Variants in ZNF469 observed in about 807,000 individuals in gnomAD.
ZNF469 encodes the protein zinc finger protein 469.
Under a neutral mutation model 1.0 loss-of-function variants are expected in ZNF469, and 1 was observed. That is an observed-to-expected ratio of 1.00 (90% CI 0.35 to 4.73). The LOEUF (loss-of-function observed/expected upper bound fraction) is 4.73. ZNF469 is among the 30% of genes most tolerant of loss of function. ZNF469 has a pLI of 0.16. For synonymous variants in ZNF469, 2,703 were observed against 2,363.4 expected, an observed-to-expected ratio of 1.14 and a Z score of -4.17; for missense variants, 6,100 against 5,356.3, an observed-to-expected ratio of 1.14 and a Z score of -4.33.
intron 1 of ZNF469, among the ~76,000 whole-genome samples, chr16:88,412,353 C>G (rs1341075467): frequency 2.0e-5 from 3 of 152,090 alleles, no homozygotes; most frequent in Non-Finnish European, 4.4e-5. Context: ...CGCTTAACCT[C>G]TCTGAGCCCT....
chr16:88,119,229 G>A, the ZNF469 span, among the ~76,000 whole-genome samples: 2 of 152,176 alleles, frequency 1.3e-5, no homozygotes, highest in Non-Finnish European at 2.9e-5. Flanking sequence ...CTCACGGTTA[G>A]CTCTGGGCAC....
the ZNF469 span, among the ~76,000 whole-genome samples, chr16:88,322,441 G>C: frequency 6.6e-6 from 1 of 152,242 alleles, no homozygotes; most frequent in East Asian, 1.9e-4. Flanking sequence ...TGTCCCGGCC[G>C]TGTTCATCCT....
At chr16:88,170,713 G>T in the ZNF469 span, among the ~76,000 whole-genome samples, 1 of 152,114 alleles carries the variant, frequency 6.6e-6, no homozygotes, top group Non-Finnish European at 1.5e-5. This position sits in a 1 kb window ranked among gnomAD's most constrained non-coding sequence, Gnocchi z 4.2. Flanking sequence ...TTCCTTTCTT[G>T]GCTGTTGTGA....
chr16:88,187,978 G>A, the ZNF469 span, among the ~76,000 whole-genome samples: 2 of 151,930 alleles, frequency 1.3e-5, no homozygotes, highest in Non-Finnish European at 2.9e-5. Flanking sequence ...GATGCATCCC[G>A]GGCCCTGTCT....
the ZNF469 span, among the ~76,000 whole-genome samples, chr16:88,159,608 G>C: frequency 1.3e-5 from 2 of 152,306 alleles, no homozygotes; most frequent in African/African-American, 4.8e-5. Flanking sequence ...TCAGCTTGAA[G>C]CAAAAACAAC....
chr16:88,106,881 G>C, the ZNF469 span, among the ~76,000 whole-genome samples: 2 of 151,334 alleles, frequency 1.3e-5, no homozygotes, highest in Non-Finnish European at 2.9e-5. Flanking sequence ...CCTTCAGGAG[G>C]GGTGGCAGCA....
At position 88,436,187 on chromosome 16, in the gene ZNF469, C is replaced by G; in HGVS notation, c.8717C>G (p.Ala2906Gly). The G allele has an allele frequency of 6.5e-7, 1 of 1,547,666 alleles. No individual in the cohort carries two copies. The highest frequency in any genetic ancestry group is 8.7e-7 in the Non-Finnish European group (1 of 1,146,894). Residue 2906 changes from alanine (A) to glycine (G), a missense_variant, in exon 3 of 3, where the codon GCC becomes GGC. Physicochemically the swap from Ala to Gly is moderately conservative, Grantham distance 60. Coordinates refer to ENST00000565624, the MANE Select transcript of ZNF469 (RefSeq NM_001367624.2). ...GGCGGTGACCCCACGCTGGGCCCAG[C>G]CCGCCTGCCCACGGACCTCAGCGAC... ...EEGGDPTLGP[A>G]RLPTDLSDSS...
chr16:88,386,077 C>T (rs1422854790), intron 1 of ZNF469, among the ~76,000 whole-genome samples: 11 of 152,162 alleles, frequency 7.2e-5, no homozygotes, highest in African/African-American at 2.2e-4. Context: ...GGCCCGGTCC[C>T]GTGGACTCTG....
At chr16:88,128,131 G>C in the ZNF469 span, among the ~76,000 whole-genome samples, 6 of 152,190 alleles carry the variant, frequency 3.9e-5, no homozygotes, top group Non-Finnish European at 8.8e-5. Context: ...GATGGCAGCT[G>C]TTGGGTGACC....
chr16:88,393,974 C>T (rs1365135683), intron 1 of ZNF469, among the ~76,000 whole-genome samples: 2 of 152,112 alleles, frequency 1.3e-5, no homozygotes, highest in Admixed American at 1.3e-4. Flanking sequence ...GGGTTTGACA[C>T]GTCTACACCT....
Position 88,438,865 on chromosome 16 carries a change from C to G in ZNF469, c.11395C>G (p.Gln3799Glu). 2 of 1,550,434 alleles carry G rather than the reference C, an allele frequency of 1.3e-6. No individual in the cohort carries two copies. The highest frequency in any genetic ancestry group is 1.7e-6 in the Non-Finnish European group (2 of 1,146,962). The change falls in exon 3 of 3, where the codon CAG becomes GAG. Residue 3799 changes from glutamine (Q) to glutamate (E), a missense_variant. By Grantham distance (29) the Gln-to-Glu change is conservative. Transcript: ENST00000565624. Reference sequence around the variant, plus strand: ...CAAGGGGCCAAGGGAAGCTGGTGAGCAGGGGCCCCACGGGAGCCTAGGTCC... The same window carrying G: ...CAAGGGGCCAAGGGAAGCTGGTGAGGAGGGGCCCCACGGGAGCCTAGGTCC... ...CTKGPREAGE[Q>E]GPHGSLGPKE...
At chr16:88,355,548 G>A in the ZNF469 span, among the ~76,000 whole-genome samples, 1 of 152,224 alleles carries the variant, frequency 6.6e-6, no homozygotes, top group South Asian at 2.1e-4. Flanking sequence ...CCTGGGGGTG[G>A]GTGAGGAGTC....
the ZNF469 span, among the ~76,000 whole-genome samples, chr16:88,136,206 G>A: frequency 7.9e-5 from 12 of 152,296 alleles, no homozygotes; most frequent in Middle Eastern, 3.4e-3. Flanking sequence ...GTTCCTCTGC[G>A]TGGGGGAGGC....
the ZNF469 span, among the ~76,000 whole-genome samples, chr16:88,114,623 G>C: frequency 3.3e-5 from 5 of 152,204 alleles, no homozygotes; most frequent in Non-Finnish European, 5.9e-5. Flanking sequence ...ATTCTCCTCC[G>C]TGCCTCCAGC....
chr16:88,353,664 C>T, the ZNF469 span, among the ~76,000 whole-genome samples: 4 of 152,212 alleles, frequency 2.6e-5, no homozygotes, highest in Non-Finnish European at 5.9e-5. Flanking sequence ...CAACTCAGTC[C>T]ACACGAATCC....
chr16:88,327,822 T>G, the ZNF469 span, among the ~76,000 whole-genome samples: 1 of 152,190 alleles, frequency 6.6e-6, no homozygotes, highest in Non-Finnish European at 1.5e-5. Context: ...TAGGCCCGGC[T>G]GCTTGAGAAA....
chr16:88,354,233 G>A, the ZNF469 span, among the ~76,000 whole-genome samples: 27 of 152,248 alleles, frequency 1.8e-4, no homozygotes, highest in Admixed American at 1.4e-3. Context: ...ATTTGAATCC[G>A]GGTCTGTAGC....
chr16:88,406,888 CT>C (rs1298498435), intron 1 of ZNF469, among the ~76,000 whole-genome samples: 1 of 152,212 alleles, frequency 6.6e-6, no homozygotes, highest in South Asian at 2.1e-4. Flanking sequence ...CTGATTCCCC[CT>C]AGCGGCTGTT....
At chr16:88,133,279 G>A in the ZNF469 span, among the ~76,000 whole-genome samples, 6 of 152,226 alleles carry the variant, frequency 3.9e-5, no homozygotes, top group African/African-American at 1.2e-4. Flanking sequence ...TGATTCCCAC[G>A]GTCAAATCAT....
Sources: allele counts gnomAD v4.1 joint callset (sites outside exome capture counted in the v4.1 genomes callset), GRCh38; gene constraint gnomAD v4.1.1; non-coding constraint Gnocchi (gnomAD v3.1); transcripts MANE v1.5; gene names NCBI Gene and HGNC (gene_info 2026-07-23, HGNC 2026-07-21).